The following CRPPA variants were observed in gnomAD, a reference collection of about 807,000 sequenced individuals.
CRPPA encodes the protein CDP-L-ribitol pyrophosphorylase A, also known as D-ribitol-5-phosphate cytidylyltransferase.
Under a neutral mutation model 52.0 loss-of-function variants are expected in CRPPA, and 43 were observed. That is an observed-to-expected ratio of 0.83 (90% CI 0.65 to 1.07). The LOEUF is 1.07. Among genes scored for constraint, CRPPA ranks in the 50% least tolerant of loss-of-function variants. The probability of loss-of-function intolerance (pLI) is 0.00; values close to 1 mark genes in which losing one functional copy is unlikely to be tolerated. For synonymous variants in CRPPA, 250 were observed against 203.5 expected (o/e 1.23, Z -1.94); for missense variants, 629 against 551.7 (o/e 1.14, Z -1.40).
At chr7:16,152,755 T>C (rs934745303) in intron 9 of CRPPA, among the ~76,000 whole-genome samples, 2 of 152,036 alleles carry the variant, frequency 1.3e-5, no homozygotes, top group African/African-American at 2.4e-5. Flanking sequence ...CCAAAGCCTT[T>C]AGGCGGTTCG....
chr7:16,250,540 A>C (rs1056347637), intron 8 of CRPPA, among the ~76,000 whole-genome samples: 1 of 152,230 alleles, frequency 6.6e-6, no homozygotes, highest in African/African-American at 2.4e-5. Context: ...CAGAAACTCT[A>C]CAAGCCAGAA....
At chr7:16,397,326 C>A (rs1787619794) in intron 2 of CRPPA, among the ~76,000 whole-genome samples, 1 of 152,162 alleles carries the variant, frequency 6.6e-6, no homozygotes, top group African/African-American at 2.4e-5. Context: ...GTGATGGACA[C>A]GTGTGACATG....
At chr7:16,343,570 T>C (rs1785928433) in intron 3 of CRPPA, among the ~76,000 whole-genome samples, 1 of 151,456 alleles carries the variant, frequency 6.6e-6, no homozygotes, top group African/African-American at 2.4e-5. Flanking sequence ...ACTGCAGCAT[T>C]TTCTTGGAGG....
At chr7:16,245,856 T>G (rs1264972450) in intron 8 of CRPPA, among the ~76,000 whole-genome samples, 1 of 152,116 alleles carries the variant, frequency 6.6e-6, no homozygotes, top group Non-Finnish European at 1.5e-5. Flanking sequence ...AATATACATA[T>G]CTTAAATTAA....
chr7:16,208,098 G>T (rs1011110539), intron 9 of CRPPA, among the ~76,000 whole-genome samples: 8 of 152,026 alleles, frequency 5.3e-5, no homozygotes, highest in African/African-American at 1.9e-4. Flanking sequence ...CAATTATTTT[G>T]TAACACTGAC....
intron 9 of CRPPA, among the ~76,000 whole-genome samples, chr7:16,110,207 T>C (rs11773405): frequency 0.19 from 28,201 of 151,946 alleles, 3,277 homozygotes; most frequent in South Asian, 0.43. Flanking sequence ...TATTTGGGAA[T>C]AAATTTAATC....
chr7:16,307,673 C>CA lies in CRPPA; in HGVS notation c.789+849dup, dbSNP rs55682769. ...CTGGGCCAGAAGAGTGAAACTCTGT[C>CA]AAAAAAAAAAAAAAAAAAAAAAAAA... On this transcript the variant is annotated intron_variant, in intron 4 of 9. Transcript: ENST00000407010. Among the ~76,000 whole-genome samples, 428 of 44,334 alleles carry CA rather than the reference C, an allele frequency of 9.7e-3. 16 individuals are homozygous for CA. The highest frequency in any genetic ancestry group is 0.013 in the East Asian group (17 of 1,330). The allele number at this position is 44,334 out of a possible 152,430, so 29.1% of individuals were successfully genotyped here.
intron 9 of CRPPA, among the ~76,000 whole-genome samples, chr7:16,134,759 C>T (rs1402800739): frequency 6.6e-6 from 1 of 152,084 alleles, no homozygotes; most frequent in East Asian, 1.9e-4. Context: ...CTAAGACTTG[C>T]TTTTGTAAAT....
intron 1 of CRPPA, among the ~76,000 whole-genome samples, chr7:16,414,053 G>A (rs1431224307): frequency 6.6e-6 from 1 of 152,122 alleles, no homozygotes; most frequent in Non-Finnish European, 1.5e-5. Context: ...ACATTTTCCT[G>A]TAGAAGATTT....
At chr7:16,110,116 T>A (rs1163920977) in intron 9 of CRPPA, among the ~76,000 whole-genome samples, 1 of 151,702 alleles carries the variant, frequency 6.6e-6, no homozygotes, top group Non-Finnish European at 1.5e-5. Flanking sequence ...TACACAAAAC[T>A]CAGTAGCATT....
At chr7:16,201,201 T>C (rs1781846555) in intron 9 of CRPPA, among the ~76,000 whole-genome samples, 1 of 152,104 alleles carries the variant, frequency 6.6e-6, no homozygotes, top group African/African-American at 2.4e-5. Context: ...TACATTGAAA[T>C]AAAAACATAT....
intron 8 of CRPPA, among the ~76,000 whole-genome samples, chr7:16,220,615 T>A (rs1251021417): frequency 7.5e-6 from 1 of 134,140 alleles, no homozygotes; most frequent in African/African-American, 2.8e-5. Flanking sequence ...ACAAAATCAA[T>A]GTACAAAAAT....
At chr7:16,414,135 G>A (rs1788133026) in intron 1 of CRPPA, among the ~76,000 whole-genome samples, 1 of 152,052 alleles carries the variant, frequency 6.6e-6, no homozygotes, top group Non-Finnish European at 1.5e-5. Flanking sequence ...CTTAAGCATT[G>A]TCCTCCACCT....
At chr7:16,383,130 C>G (rs57045373) in intron 2 of CRPPA, among the ~76,000 whole-genome samples, 1 of 151,854 alleles carries the variant, frequency 6.6e-6, no homozygotes, top group Non-Finnish European at 1.5e-5. Flanking sequence ...GTTTTATCTA[C>G]TTTTGGTCTT....
chr7:16,209,872 C>G (rs889486423), intron 9 of CRPPA, among the ~76,000 whole-genome samples: 1 of 152,140 alleles, frequency 6.6e-6, no homozygotes, highest in African/African-American at 2.4e-5. Flanking sequence ...AGAATGGCCA[C>G]AAGGTTACTG....
At chr7:16,247,461 C>T (rs920685318) in intron 8 of CRPPA, among the ~76,000 whole-genome samples, 7 of 152,186 alleles carry the variant, frequency 4.6e-5, no homozygotes, top group African/African-American at 1.7e-4. Context: ...ACACACACAA[C>T]ATTTATCAGT....
At chr7:16,265,772 C>G (rs1783936742) in intron 6 of CRPPA, among the ~76,000 whole-genome samples, 1 of 152,078 alleles carries the variant, frequency 6.6e-6, no homozygotes. Context: ...ACGCTAAATA[C>G]TTTCAACAAT....
chr7:16,115,809 A>G (rs1003600376), intron 9 of CRPPA, among the ~76,000 whole-genome samples: 1 of 152,218 alleles, frequency 6.6e-6, no homozygotes, highest in Non-Finnish European at 1.5e-5. Flanking sequence ...CAAAATCATG[A>G]GAGTATGGAA....
chr7:16,191,641 T>C (rs1781613079), intron 9 of CRPPA, among the ~76,000 whole-genome samples: 1 of 152,166 alleles, frequency 6.6e-6, no homozygotes, highest in Admixed American at 6.5e-5. Flanking sequence ...GTACTAGTCT[T>C]AGCTATATTG....
Sources: gnomAD v4.1 joint callset for allele counts (sites outside exome capture counted in the v4.1 genomes callset) on GRCh38, gnomAD v4.1.1 for gene constraint, MANE v1.5 for transcripts, NCBI Gene and HGNC (gene_info 2026-07-23, HGNC 2026-07-21) for gene names.